UBE2E1: variants seen among roughly 807,000 people sequenced by gnomAD.
UBE2E1 encodes the protein ubiquitin conjugating enzyme E2 E1, also known as ubiquitin-conjugating enzyme E2 E1.
In UBE2E1, 6 loss-of-function variants were observed where a neutral mutation model predicts 21.4. The ratio of observed to expected loss-of-function variants is 0.28; its 90% CI spans 0.15 to 0.55. The LOEUF (loss-of-function observed/expected upper bound fraction) is 0.55, where lower values mean the gene tolerates loss of function less well. Among genes scored for constraint, UBE2E1 ranks in the 20% least tolerant of loss-of-function variants. The pLI is 0.93. For synonymous variants in UBE2E1, 87 were observed against 82.7 expected (o/e 1.05, Z -0.28); for missense variants, 142 against 236.5 (o/e 0.60, Z 2.62).
At chr3:23,865,030 C>A (rs779903574) in intron 3 of UBE2E1, among the ~76,000 whole-genome samples, 1 of 152,226 alleles carries the variant, frequency 6.6e-6, no homozygotes, top group Non-Finnish European at 1.5e-5. Context: ...TAACAAATTA[C>A]TGCAAATTTA....
At chr3:23,837,463 CT>C (rs1282516582) in intron 3 of UBE2E1, among the ~76,000 whole-genome samples, 1 of 152,166 alleles carries the variant, frequency 6.6e-6, no homozygotes, top group East Asian at 1.9e-4. Context: ...TAACTGTAAG[CT>C]ATTTAGTGAT....
chr3:23,815,958 C>T (rs886606853), intron 3 of UBE2E1, among the ~76,000 whole-genome samples: 1 of 152,124 alleles, frequency 6.6e-6, no homozygotes, highest in Non-Finnish European at 1.5e-5. Context: ...GGTTTCAGCA[C>T]GATCAAAACA....
At chr3:23,811,415 C>G in intron 2 of UBE2E1, 45 bp from the exon 3 acceptor site, 1 of 1,607,166 alleles carries the variant, frequency 6.2e-7, no homozygotes, top group African/African-American at 1.3e-5. Context: ...GGCTTCCGCG[C>G]CTTAATGCTT....
intron 4 of UBE2E1, chr3:23,888,227 T>G (rs144366397): frequency 1.1e-5 from 5 of 457,094 alleles, no homozygotes; most frequent in African/African-American, 1.0e-4. Context: ...GTCTTGTTCC[T>G]TTACCTCCAG....
rs1699512899 is a variant in UBE2E1 at position 23,816,188 on chromosome 3, C to T, written c.203+4678C>T. Among the ~76,000 whole-genome samples, 2 of 152,172 alleles carry T rather than the reference C, an allele frequency of 1.3e-5. No individual in the cohort carries two copies. The highest frequency in any genetic ancestry group is 4.8e-5 in the African/African-American group (2 of 41,430). The stretch of plus-strand genomic sequence containing the variant: ...ATTACCGTATGACCCAGTAATTTTA[C>T]TGCTATCTATGTACCCTGAATAATT... On this transcript the variant is annotated intron_variant, in intron 3 of 5. Transcript: ENST00000306627. The surrounding 1 kb of genome is among the most constrained non-coding windows in gnomAD (Gnocchi z 4.8).
chr3:23,881,076 G>A (rs1269785701), intron 3 of UBE2E1, among the ~76,000 whole-genome samples: 1 of 152,220 alleles, frequency 6.6e-6, no homozygotes, highest in African/African-American at 2.4e-5. Flanking sequence ...TGTCAGAAGT[G>A]AGTCCTTGTT....
rs370844784 is a variant in UBE2E1 at position 23,816,227 on chromosome 3, C to G, written c.203+4717C>G. Among the ~76,000 whole-genome samples the G allele has an allele frequency of 2.0e-5, 3 of 152,260 alleles. No individual in the cohort carries two copies. In the East Asian group the frequency reaches 5.8e-4, roughly 29 times the overall value. Reference sequence around the variant, plus strand: ...CCCTGAATAATTAAAAACAGAGGCTCAAACAGATAACCTGTATGTCAGTAT... The same window carrying G: ...CCCTGAATAATTAAAAACAGAGGCTGAAACAGATAACCTGTATGTCAGTAT... On this transcript the variant is annotated intron_variant, in intron 3 of 5. Coordinates refer to ENST00000306627, the MANE Select transcript of UBE2E1 (RefSeq NM_003341.5). This position sits in a 1 kb window ranked among gnomAD's most constrained non-coding sequence, Gnocchi z 4.8.
chr3:23,824,126 C>G (rs1218936736), intron 3 of UBE2E1, among the ~76,000 whole-genome samples: 1 of 152,204 alleles, frequency 6.6e-6, no homozygotes, highest in African/African-American at 2.4e-5. Flanking sequence ...TCTACTTCTA[C>G]ATTTTACTGT....
At chr3:23,819,888 A>G (rs1413535037) in intron 3 of UBE2E1, among the ~76,000 whole-genome samples, 1 of 152,226 alleles carries the variant, frequency 6.6e-6, no homozygotes, top group Non-Finnish European at 1.5e-5. Context: ...ATTGGAGAAA[A>G]TATAACACCT....
intron 3 of UBE2E1, among the ~76,000 whole-genome samples, chr3:23,855,551 C>T (rs1487033263): frequency 2.0e-5 from 3 of 152,058 alleles, no homozygotes; most frequent in East Asian, 1.9e-4. Flanking sequence ...TGCTTTAGGC[C>T]GGGCGCGGTG....
chr3:23,875,001 C>T (rs980887515), intron 3 of UBE2E1, among the ~76,000 whole-genome samples: 1 of 152,036 alleles, frequency 6.6e-6, no homozygotes, highest in African/African-American at 2.4e-5. Context: ...TTAAGAGTGA[C>T]CCCCTAATGT....
At chr3:23,859,804 C>T (rs543658291) in intron 3 of UBE2E1, among the ~76,000 whole-genome samples, 2 of 152,184 alleles carry the variant, frequency 1.3e-5, no homozygotes, top group Non-Finnish European at 2.9e-5. Context: ...TGGCCTCAAC[C>T]TGCCCATCCA....
chr3:23,886,195 C>CTGGAAGCTGGGA (rs1701179611), intron 3 of UBE2E1, among the ~76,000 whole-genome samples: 1 of 152,132 alleles, frequency 6.6e-6, no homozygotes, highest in Non-Finnish European at 1.5e-5. Flanking sequence ...CAGATCAAGA[C>CTGGAAGCTGGGA]TCTGTTTCAA....
intron 3 of UBE2E1, among the ~76,000 whole-genome samples, chr3:23,882,403 C>T (rs561988119): frequency 2.0e-5 from 3 of 152,392 alleles, no homozygotes; most frequent in East Asian, 3.9e-4. Flanking sequence ...GGTACATTTA[C>T]AATCCTCCAG....
intron 3 of UBE2E1, among the ~76,000 whole-genome samples, chr3:23,813,009 G>C (rs1699435187): frequency 6.6e-6 from 1 of 150,512 alleles, no homozygotes; most frequent in South Asian, 2.1e-4. Flanking sequence ...AAAAAAAACA[G>C]TGTAAGTACA....
intron 3 of UBE2E1, among the ~76,000 whole-genome samples, chr3:23,867,740 AAGG>A (rs1343170443): frequency 1.3e-5 from 2 of 152,184 alleles, no homozygotes; most frequent in Non-Finnish European, 2.9e-5. Context: ...TCTGAGAGCA[AAGG>A]AGAAGGAAGA....
At chr3:23,882,819 G>A (rs865948859) in intron 3 of UBE2E1, among the ~76,000 whole-genome samples, 6 of 152,308 alleles carry the variant, frequency 3.9e-5, no homozygotes, top group East Asian at 1.9e-4. Context: ...GGCGCCGGCC[G>A]GCTGCTCCGA....
chr3:23,831,203 A>G lies in UBE2E1; in HGVS notation c.203+19693A>G, dbSNP rs181712126. Reference sequence around the variant, plus strand: ...TGTGTCTGATAACCCAGGAACTGAAATGTTCTGGATATCAGAAACAACAGA... The same window carrying G: ...TGTGTCTGATAACCCAGGAACTGAAGTGTTCTGGATATCAGAAACAACAGA... On this transcript the variant is annotated intron_variant, in intron 3 of 5. Transcript: ENST00000306627. Among the ~76,000 whole-genome samples the G allele has an allele frequency of 4.6e-5, 7 of 152,326 alleles. No homozygotes were observed. In the East Asian group the frequency reaches 1.3e-3, roughly 29 times the overall value.
At chr3:23,811,378 C>G in intron 2 of UBE2E1, 82 bp from the exon 3 acceptor site, 1 of 1,347,942 alleles carries the variant, frequency 7.4e-7, no homozygotes, top group Non-Finnish European at 1.1e-6. Context: ...TTAGGTTTAT[C>G]TGCAGACCTG....
Sources: allele counts gnomAD v4.1 joint callset (sites outside exome capture counted in the v4.1 genomes callset), GRCh38; gene constraint gnomAD v4.1.1; non-coding constraint Gnocchi (gnomAD v3.1); transcripts MANE v1.5; gene names NCBI Gene and HGNC (gene_info 2026-07-23, HGNC 2026-07-21).